The following TENM2 variants were observed in gnomAD, a reference collection of about 807,000 sequenced individuals.
The protein encoded by TENM2 is teneurin transmembrane protein 2, also known as teneurin-2.
Under a neutral mutation model 245.2 loss-of-function variants are expected in TENM2, and 52 were observed. The ratio of observed to expected loss-of-function variants is 0.21; its 90% CI spans 0.17 to 0.27. TENM2 has a LOEUF of 0.27. Ranked by LOEUF, TENM2 falls within the 10% of genes least tolerant of loss-of-function variation. The pLI is 1.00. For missense variants in TENM2, 3,046 were observed against 3,666.8 expected (o/e 0.83, Z 4.37); for synonymous variants, 1,363 against 1,438.9 (o/e 0.95, Z 1.19).
the TENM2 span, among the ~76,000 whole-genome samples, chr5:167,041,927 C>T: frequency 6.6e-6 from 1 of 152,032 alleles, no homozygotes; most frequent in African/African-American, 2.4e-5. Flanking sequence ...GAGCTTGCAG[C>T]AAGGGAAATG....
At chr5:167,389,272 C>A (rs1581914392) in intron 2 of TENM2, among the ~76,000 whole-genome samples, 2 of 142,944 alleles carry the variant, frequency 1.4e-5, no homozygotes, top group Admixed American at 7.0e-5. Flanking sequence ...ATATATATAT[C>A]CATGCATATA....
intron 7 of TENM2, among the ~76,000 whole-genome samples, chr5:168,074,767 A>G (rs1791317568): frequency 6.6e-6 from 1 of 152,094 alleles, no homozygotes; most frequent in African/African-American, 2.4e-5. Context: ...TCCTGGAATC[A>G]TCCCCCAGAT....
the TENM2 span, among the ~76,000 whole-genome samples, chr5:167,207,611 C>A: frequency 6.6e-6 from 1 of 152,142 alleles, no homozygotes; most frequent in South Asian, 2.1e-4. Flanking sequence ...TGTTTAGAGT[C>A]CTCTCTGTTC....
At chr5:167,511,353 A>T (rs1769940806) in intron 2 of TENM2, among the ~76,000 whole-genome samples, 1 of 152,152 alleles carries the variant, frequency 6.6e-6, no homozygotes, top group South Asian at 2.1e-4. Flanking sequence ...AGGAGTAGAG[A>T]TCAGCTGCTT....
In TENM2 at chr5:167,993,021, G is replaced by A. The variant is rs764621461; in HGVS notation, c.1025G>A (p.Gly342Glu). 3 of 1,613,930 alleles carry A rather than the reference G, an allele frequency of 1.9e-6. 1 individual carries two copies. Among genetic ancestry groups the A allele is most frequent in the Admixed American group, 3.3e-5 (2 of 60,018 alleles). Residue 342 changes from glycine to glutamate, a missense_variant, in exon 5 of 29, where the codon GGA (glycine) becomes GAA (glutamate). Gly to Glu is a moderately conservative substitution (Grantham distance 98). Around this residue, in one of 2 missense-constraint regions of TENM2, gnomAD observed 2,704 missense variants for 3,331.9 expected, o/e 0.81. Coordinates refer to ENST00000518659, the Ensembl canonical transcript of TENM2. ...TCCCCGGGATACCCTTTGACCTCAG[G>A]AACGGTTTACACGCCCCCGCCCCGC...
chr5:167,273,323 A>C, the TENM2 span, among the ~76,000 whole-genome samples: 1 of 152,146 alleles, frequency 6.6e-6, no homozygotes, highest in Non-Finnish European at 1.5e-5. Context: ...GGTGATGGCC[A>C]TTTGTCAGTG....
intron 2 of TENM2, among the ~76,000 whole-genome samples, chr5:167,775,125 C>T (rs550281541): frequency 6.6e-6 from 1 of 152,266 alleles, no homozygotes; most frequent in South Asian, 2.1e-4. Flanking sequence ...TGCACCACCA[C>T]ACCCAGCTAA....
the TENM2 span, among the ~76,000 whole-genome samples, chr5:167,208,663 G>A: frequency 5.6e-4 from 85 of 152,328 alleles, 2 homozygotes; most frequent in Admixed American, 1.5e-3. Context: ...AAGTGACACA[G>A]ATTTTGCTTA....
At chr5:167,732,872 T>C (rs1028213656) in intron 2 of TENM2, among the ~76,000 whole-genome samples, 2 of 152,216 alleles carry the variant, frequency 1.3e-5, no homozygotes, top group African/African-American at 2.4e-5. Flanking sequence ...TGTTCATTGT[T>C]GGGTATATAA....
chr5:167,427,625 A>G (rs111645173), intron 2 of TENM2, among the ~76,000 whole-genome samples: 56 of 45,776 alleles, frequency 1.2e-3, no homozygotes, highest in African/African-American at 4.9e-3. Context: ...GGGAAGGAAG[A>G]AAGGACGGAA....
intron 1 of TENM2, among the ~76,000 whole-genome samples, chr5:167,322,857 C>T (rs76623727): frequency 0.025 from 3,854 of 152,206 alleles, 153 homozygotes; most frequent in African/African-American, 0.087. Flanking sequence ...TTAATAGCTC[C>T]GATCACTTTG....
chr5:167,385,440 T>G (rs1376303220), intron 2 of TENM2, among the ~76,000 whole-genome samples: 1 of 152,036 alleles, frequency 6.6e-6, no homozygotes, highest in Non-Finnish European at 1.5e-5. Context: ...TTCATCTTTA[T>G]TGTATTTTTT....
chr5:167,010,367 G>A, the TENM2 span, among the ~76,000 whole-genome samples: 1 of 151,990 alleles, frequency 6.6e-6, no homozygotes, highest in African/African-American at 2.4e-5. Flanking sequence ...TGGGCAACAA[G>A]AGCAAAACTC....
At position 168,036,482 on chromosome 5, in the gene TENM2, A is replaced by G. The variant is rs1041572995; in HGVS notation, c.1187-10945A>G. Among the ~76,000 whole-genome samples, 24 of 151,816 alleles carry G rather than the reference A, an allele frequency of 1.6e-4. No individual in the cohort carries two copies. The South Asian group carries it at 4.6e-3, about 29-fold the overall frequency. On this transcript the variant is annotated intron_variant, in intron 5 of 28. Coordinates refer to ENST00000518659, the Ensembl canonical transcript of TENM2. ...GAAACCCCATCTCTACTAAAAATAC[A>G]AAAATTAGCTGGGCATGGTGGTGGG...
chr5:167,334,541 G>A (rs1303388903), intron 1 of TENM2, among the ~76,000 whole-genome samples: 1 of 152,094 alleles, frequency 6.6e-6, no homozygotes, highest in Non-Finnish European at 1.5e-5. Flanking sequence ...GCTATTCCAG[G>A]AATTCTCATT....
chr5:167,352,458 CA>C (rs1366647325), intron 1 of TENM2, among the ~76,000 whole-genome samples: 2 of 152,154 alleles, frequency 1.3e-5, no homozygotes, highest in Admixed American at 6.5e-5. Context: ...GATTATTCTT[CA>C]ATCTATTTTG....
chr5:167,601,737 A>T (rs927215481), intron 2 of TENM2, among the ~76,000 whole-genome samples: 1 of 152,232 alleles, frequency 6.6e-6, no homozygotes, highest in Non-Finnish European at 1.5e-5. Flanking sequence ...TCACTGAGAT[A>T]ATGTATTAAC....
the TENM2 span, among the ~76,000 whole-genome samples, chr5:167,157,345 G>C: frequency 6.6e-6 from 1 of 152,084 alleles, no homozygotes; most frequent in Non-Finnish European, 1.5e-5. Flanking sequence ...CCCTCATTAG[G>C]GTGTGCCTGC....
At chr5:166,983,363 C>T in the TENM2 span, among the ~76,000 whole-genome samples, 181 of 152,154 alleles carry the variant, frequency 1.2e-3, no homozygotes, top group Middle Eastern at 0.031. Context: ...AAAGTTCCTT[C>T]GTTTTTACTG....
Sources: gnomAD v4.1 joint callset for allele counts (sites outside exome capture counted in the v4.1 genomes callset) on GRCh38, gnomAD v4.1.1 for gene constraint, gnomAD v4.1.1 regional missense constraint, MANE v1.5 for transcripts, NCBI Gene and HGNC (gene_info 2026-07-23, HGNC 2026-07-21) for gene names.